The following SNTG2 variants were observed in gnomAD, a reference collection of about 807,000 sequenced individuals.
SNTG2 encodes the protein gamma-2-syntrophin.
Under a neutral mutation model 70.9 loss-of-function variants are expected in SNTG2, and 74 were observed. The observed-to-expected ratio is 1.04, with a 90% confidence interval of 0.86 to 1.27. The LOEUF is 1.27. SNTG2 is among the 50% of genes most tolerant of loss of function. The pLI, the probability that SNTG2 is intolerant of heterozygous loss-of-function variation, is 0.00. For synonymous variants in SNTG2, 278 were observed against 273.8 expected, an observed-to-expected ratio of 1.02 and a Z score of -0.15; for missense variants, 717 against 690.7, an observed-to-expected ratio of 1.04 and a Z score of -0.43.
chr2:1,114,581 TC>T (rs1454836058), intron 4 of SNTG2, among the ~76,000 whole-genome samples: 1 of 148,862 alleles, frequency 6.7e-6, no homozygotes, highest in Non-Finnish European at 1.5e-5. Flanking sequence ...ACCCTTAGAG[TC>T]CTTTGAGGAG....
chr2:1,267,557 G>T lies in SNTG2; in HGVS notation c.1270G>T (p.Val424Phe). 1.2e-6 allele frequency: 2 copies of T among 1,612,992 alleles called. No homozygotes were observed. The highest frequency in any genetic ancestry group is 1.7e-5 in the Admixed American group (1 of 60,026). Residue 424 changes from valine to phenylalanine, a missense_variant, in exon 14 of 17, where the codon GTT becomes TTT. Physicochemically the swap from Val to Phe is conservative, Grantham distance 50. Coordinates refer to ENST00000308624, the MANE Select transcript of SNTG2 (RefSeq NM_018968.4). ...KSFQRATFME[V>F]QRTGSRTYMC... Reference sequence around the variant, plus strand: ...CTTCCAAAGAGCCACGTTCATGGAAGTTCAGAGAACCGGGGTAAGTGAACA... The same window carrying T: ...CTTCCAAAGAGCCACGTTCATGGAATTTCAGAGAACCGGGGTAAGTGAACA...
chr2:1,174,304 A>G (rs1030199021), intron 8 of SNTG2, among the ~76,000 whole-genome samples: 2 of 151,244 alleles, frequency 1.3e-5, no homozygotes, highest in South Asian at 2.1e-4. Flanking sequence ...ATATATATAT[A>G]TATATGTAAA....
rs928255350 is a variant in SNTG2 at position 1,022,950 on chromosome 2, A to G, written c.73-60568A>G. On this transcript the variant is annotated intron_variant, in intron 1 of 16. Transcript: ENST00000308624. Reference sequence around the variant, plus strand: ...TAAGAAACAAGAGAAGATAAAGGAGATAAATGGCTTCAGCCAGTTGGCCAG... The same window carrying G: ...TAAGAAACAAGAGAAGATAAAGGAGGTAAATGGCTTCAGCCAGTTGGCCAG... Among the ~76,000 whole-genome samples the G allele has an allele frequency of 8.5e-5, 13 of 152,268 alleles. No individual in the cohort carries two copies. In the South Asian group the frequency reaches 2.7e-3, roughly 32 times the overall value.
intron 11 of SNTG2, among the ~76,000 whole-genome samples, chr2:1,242,276 G>T (rs1220003861): frequency 1.3e-5 from 2 of 151,878 alleles, no homozygotes; most frequent in African/African-American, 4.8e-5. Context: ...TCTTGATTTT[G>T]GTATTTAACA....
chr2:1,224,621 C>G (rs1052511559), intron 9 of SNTG2, among the ~76,000 whole-genome samples: 1 of 152,212 alleles, frequency 6.6e-6, no homozygotes, highest in Admixed American at 6.5e-5. Flanking sequence ...ACAGAACCCT[C>G]GGCGGCATCT....
rs932161383 is a variant in SNTG2 at position 1,300,243 on chromosome 2, A to C, written c.1285-8251A>C. On this transcript the variant is annotated intron_variant, in intron 14 of 16. Coordinates refer to ENST00000308624, the MANE Select transcript of SNTG2 (RefSeq NM_018968.4). The stretch of plus-strand genomic sequence containing the variant: ...GAAGGGTGTGCAAGAAGGGTGCTTT[A>C]AATGACGGCACTGTTACCATCACCG... Among the ~76,000 whole-genome samples, 4 of 152,238 alleles carry C rather than the reference A, an allele frequency of 2.6e-5. No individual in the cohort carries two copies. The South Asian group carries it at 8.3e-4, about 31-fold the overall frequency.
chr2:1,284,320 A>G (rs1324257009), intron 14 of SNTG2, among the ~76,000 whole-genome samples: 2 of 152,170 alleles, frequency 1.3e-5, no homozygotes, highest in Non-Finnish European at 2.9e-5. Context: ...TCTCTCTCCA[A>G]CTTTTAGCTG....
At chr2:1,278,660 C>T (rs1018616157) in intron 14 of SNTG2, among the ~76,000 whole-genome samples, 1 of 152,180 alleles carries the variant, frequency 6.6e-6, no homozygotes, top group Non-Finnish European at 1.5e-5. Flanking sequence ...AAAAGAAATA[C>T]CAATGCTTCT....
chr2:1,254,851 A>G (rs1414967104), intron 12 of SNTG2, among the ~76,000 whole-genome samples: 2 of 152,224 alleles, frequency 1.3e-5, no homozygotes, highest in Non-Finnish European at 2.9e-5. Context: ...GAGAAAATCC[A>G]GGAATCTGCA....
chr2:1,207,578 G>A (rs1387391253), intron 8 of SNTG2, among the ~76,000 whole-genome samples: 1 of 152,186 alleles, frequency 6.6e-6, no homozygotes, highest in Non-Finnish European at 1.5e-5. Flanking sequence ...GATTTGAGGT[G>A]GAGGAGAATG....
At chr2:1,329,570 G>T (rs929872276) in intron 16 of SNTG2, among the ~76,000 whole-genome samples, 1 of 152,166 alleles carries the variant, frequency 6.6e-6, no homozygotes, top group African/African-American at 2.4e-5. Context: ...ACGCACAATG[G>T]CCAGGTTAAA....
chr2:1,270,991 C>T (rs147982866), intron 14 of SNTG2, among the ~76,000 whole-genome samples: 2,482 of 152,322 alleles, frequency 0.016, 24 homozygotes, highest in Non-Finnish European at 0.025. Context: ...AAACTGATGA[C>T]ATTCCTTCAC....
intron 2 of SNTG2, among the ~76,000 whole-genome samples, chr2:1,095,730 C>T (rs1216889999): frequency 6.6e-6 from 1 of 152,156 alleles, no homozygotes; most frequent in African/African-American, 2.4e-5. Context: ...AATGTATTTT[C>T]TCTCGTCTTG....
At chr2:1,154,942 CACAT>C (rs1443358647) in intron 6 of SNTG2, among the ~76,000 whole-genome samples, 2 of 98,560 alleles carry the variant, frequency 2.0e-5, no homozygotes, top group Non-Finnish European at 4.4e-5. Context: ...ACACACCACA[CACAT>C]AAACTCACAC....
intron 1 of SNTG2, among the ~76,000 whole-genome samples, chr2:1,003,928 A>G (rs1275719673): frequency 6.6e-6 from 1 of 152,140 alleles, no homozygotes; most frequent in Non-Finnish European, 1.5e-5. Flanking sequence ...TTATTCCTTA[A>G]TGTGTACTGT....
chr2:1,101,968 A>G (rs75878839), intron 4 of SNTG2, among the ~76,000 whole-genome samples: 3,824 of 152,324 alleles, frequency 0.025, 160 homozygotes, highest in African/African-American at 0.083. Context: ...AAAATATAAA[A>G]TTATTAGTGT....
intron 8 of SNTG2, among the ~76,000 whole-genome samples, chr2:1,205,727 G>C (rs1313408971): frequency 2.6e-5 from 4 of 152,276 alleles, no homozygotes; most frequent in Middle Eastern, 3.4e-3. Flanking sequence ...CGAAACACGT[G>C]TGGCTTGCGT....
At chr2:1,256,528 G>A (rs9330329) in intron 12 of SNTG2, 45,574 of 151,956 alleles carry the variant, frequency 0.3, 7,613 homozygotes, top group African/African-American at 0.45. Context: ...GGTCATGTTC[G>A]GCCTTGAATT....
At chr2:1,291,869 A>T (rs1680006738) in intron 14 of SNTG2, among the ~76,000 whole-genome samples, 1 of 152,160 alleles carries the variant, frequency 6.6e-6, no homozygotes, top group Non-Finnish European at 1.5e-5. Flanking sequence ...TATTTCTGGA[A>T]AAAGGTCTTT....
Sources: gnomAD v4.1 joint callset for allele counts (sites outside exome capture counted in the v4.1 genomes callset) on GRCh38, gnomAD v4.1.1 for gene constraint, MANE v1.5 for transcripts, NCBI Gene and HGNC (gene_info 2026-07-23, HGNC 2026-07-21) for gene names.